GABRB1: variants seen among roughly 807,000 people sequenced by gnomAD.
The protein encoded by GABRB1 is gamma-aminobutyric acid receptor subunit beta-1.
In GABRB1, 17 loss-of-function variants were observed where a neutral mutation model predicts 51.6. The ratio of observed to expected loss-of-function variants is 0.33; its 90% CI spans 0.23 to 0.49. GABRB1 has a LOEUF of 0.49. Among genes scored for constraint, GABRB1 ranks in the 20% least tolerant of loss-of-function variants. The pLI, the probability that GABRB1 is intolerant of heterozygous loss-of-function variation, is 0.99. For missense variants in GABRB1, 410 were observed against 600.6 expected (o/e 0.68, Z 3.32); for synonymous variants, 247 against 218.9 (o/e 1.13, Z -1.14).
intron 4 of GABRB1, among the ~76,000 whole-genome samples, chr4:47,212,423 T>A (rs1321191054): frequency 6.6e-6 from 1 of 152,118 alleles, no homozygotes; most frequent in African/African-American, 2.4e-5. Context: ...ACGCCTGTAA[T>A]CCCAGCACTT....
intron 4 of GABRB1, among the ~76,000 whole-genome samples, chr4:47,204,210 T>A (rs1486959451): frequency 6.6e-6 from 1 of 152,148 alleles, no homozygotes; most frequent in South Asian, 2.1e-4. Context: ...GTTACATGCA[T>A]GGTGCATGTG....
At chr4:47,018,424 G>A (rs1433986247) in intron 1 of GABRB1, among the ~76,000 whole-genome samples, 1 of 152,036 alleles carries the variant, frequency 6.6e-6, no homozygotes, top group African/African-American at 2.4e-5. Context: ...CTGCTTCTTA[G>A]TAGTAAGACT....
At chr4:47,327,792 A>G (rs1193608565) in intron 5 of GABRB1, among the ~76,000 whole-genome samples, 1 of 152,224 alleles carries the variant, frequency 6.6e-6, no homozygotes, top group Non-Finnish European at 1.5e-5. Flanking sequence ...TATTTCCAAA[A>G]TAAAATTATT....
At chr4:47,007,605 T>G (rs890516791) in intron 1 of GABRB1, among the ~76,000 whole-genome samples, 9 of 152,248 alleles carry the variant, frequency 5.9e-5, no homozygotes, top group Admixed American at 5.9e-4. Flanking sequence ...GTTGACCACA[T>G]GCTGGGTTTT....
chr4:47,351,963 T>C (rs1726360610), intron 5 of GABRB1, among the ~76,000 whole-genome samples: 1 of 152,098 alleles, frequency 6.6e-6, no homozygotes, highest in Non-Finnish European at 1.5e-5. Flanking sequence ...TTTCTAGTTC[T>C]AGATCCCTGA....
At chr4:47,229,240 A>T (rs1293112124) in intron 4 of GABRB1, among the ~76,000 whole-genome samples, 1 of 152,186 alleles carries the variant, frequency 6.6e-6, no homozygotes, top group Non-Finnish European at 1.5e-5. Context: ...TTGCTGAAAG[A>T]AACTGAATGA....
chr4:46,997,863 A>T (rs1252472170), intron 1 of GABRB1, among the ~76,000 whole-genome samples: 1 of 152,208 alleles, frequency 6.6e-6, no homozygotes, highest in African/African-American at 2.4e-5. Flanking sequence ...CTTGACTATT[A>T]TGAATAATGC....
intron 5 of GABRB1, among the ~76,000 whole-genome samples, chr4:47,335,157 G>A (rs1215896185): frequency 6.6e-6 from 1 of 152,090 alleles, no homozygotes; most frequent in Non-Finnish European, 1.5e-5. Context: ...CAGGGTCTCA[G>A]CCATGGTCCA....
chr4:47,031,738 T>C lies in GABRB1; in HGVS notation c.80+7T>C. The C allele has an allele frequency of 6.2e-7, 1 of 1,606,606 alleles. No individual in the cohort carries two copies. Among genetic ancestry groups the C allele is most frequent in the Non-Finnish European group, 8.5e-7 (1 of 1,174,966 alleles). ...TGGTCTGTTGTGCACACAGGTGAGC[T>C]GCTGTTGTTGAATCTCGCTCTCTCT... On this transcript the variant is annotated splice_region_variant and intron_variant, in intron 1 of 8. Transcript: ENST00000295454.
At chr4:47,257,695 G>GAA (rs537256095) in intron 4 of GABRB1, among the ~76,000 whole-genome samples, 1 of 140,954 alleles carries the variant, frequency 7.1e-6, no homozygotes. Flanking sequence ...TAAGAGTCAG[G>GAA]AAAAAAAAAA....
intron 4 of GABRB1, among the ~76,000 whole-genome samples, chr4:47,174,232 G>A (rs1718566303): frequency 6.6e-6 from 1 of 151,750 alleles, no homozygotes; most frequent in Non-Finnish European, 1.5e-5. Flanking sequence ...AATTTTTTGT[G>A]TCATCATTTA....
chr4:47,275,135 G>C (rs1217007522), intron 4 of GABRB1, among the ~76,000 whole-genome samples: 3 of 152,136 alleles, frequency 2.0e-5, no homozygotes, highest in Non-Finnish European at 4.4e-5. Context: ...AGCATGGAAA[G>C]AGGAAAACCA....
rs565776246 is a variant in GABRB1 at position 47,225,326 on chromosome 4, G to C, written c.461+63857G>C. Among the ~76,000 whole-genome samples, 44 of 152,236 alleles carry C rather than the reference G, an allele frequency of 2.9e-4. No individual in the cohort carries two copies. In the South Asian group the frequency reaches 8.7e-3, roughly 30 times the overall value. ...ATATGCATTTGGTGGAGGGGGCAGG[G>C]AGTGTAAAGATTTCATTTATAACAT... On this transcript the variant is annotated intron_variant, in intron 4 of 8. Transcript: ENST00000295454.
chr4:47,031,785 G>A lies in GABRB1; in HGVS notation c.80+54G>A, dbSNP rs1053878198. ...CTCTCTCTCTCTCTCTTTTTTTCTTGGTATGTTTCTTTTTACGTGTCTGCT... is the reference window on the plus strand; with the variant it reads ...CTCTCTCTCTCTCTCTTTTTTTCTTAGTATGTTTCTTTTTACGTGTCTGCT... On this transcript the variant is annotated intron_variant, in intron 1 of 8. Coordinates refer to ENST00000295454, the MANE Select transcript of GABRB1 (RefSeq NM_000812.4). 9 of 1,549,378 alleles carry A rather than the reference G, an allele frequency of 5.8e-6. No individual in the cohort carries two copies. In the South Asian group the frequency reaches 9.0e-5, roughly 15 times the overall value.
intron 3 of GABRB1, among the ~76,000 whole-genome samples, chr4:47,122,907 A>T (rs1160570912): frequency 1.3e-5 from 2 of 152,192 alleles, no homozygotes; most frequent in Non-Finnish European, 2.9e-5. Context: ...CGAGCTGACC[A>T]GCTGAAATGA....
intron 5 of GABRB1, among the ~76,000 whole-genome samples, chr4:47,380,758 T>C (rs1170546441): frequency 1.3e-5 from 2 of 152,228 alleles, no homozygotes; most frequent in East Asian, 3.8e-4. Flanking sequence ...CACTAGTTAT[T>C]CAATGAAGAT....
At chr4:47,273,664 T>TGTA (rs1197388205) in intron 4 of GABRB1, among the ~76,000 whole-genome samples, 1 of 151,968 alleles carries the variant, frequency 6.6e-6, no homozygotes, top group Non-Finnish European at 1.5e-5. Context: ...ATAAACAAGT[T>TGTA]GTAGTCCCTG....
chr4:47,308,453 T>C (rs1396829076), intron 4 of GABRB1, among the ~76,000 whole-genome samples: 1 of 152,116 alleles, frequency 6.6e-6, no homozygotes, highest in African/African-American at 2.4e-5. Flanking sequence ...AATTTATTCT[T>C]CTGTCCTATT....
intron 3 of GABRB1, among the ~76,000 whole-genome samples, chr4:47,097,062 C>T (rs1309746596): frequency 6.6e-6 from 1 of 152,164 alleles, no homozygotes; most frequent in Non-Finnish European, 1.5e-5. Flanking sequence ...GTTCCAGTCT[C>T]AAAATAGCAT....
Sources: allele counts gnomAD v4.1 joint callset (sites outside exome capture counted in the v4.1 genomes callset), GRCh38; gene constraint gnomAD v4.1.1; transcripts MANE v1.5; gene names NCBI Gene and HGNC (gene_info 2026-07-23, HGNC 2026-07-21).